KCNAB1: variants seen among roughly 807,000 people sequenced by gnomAD.
KCNAB1 encodes voltage-gated potassium channel subunit beta-1.
Under a neutral mutation model 64.6 loss-of-function variants are expected in KCNAB1, and 35 were observed. The ratio of observed to expected loss-of-function variants is 0.54; its 90% confidence interval spans 0.41 to 0.72. KCNAB1 has a LOEUF of 0.72. Ranked by LOEUF, KCNAB1 falls within the 30% of genes least tolerant of loss-of-function variation. The probability of loss-of-function intolerance (pLI) is 0.00; values close to 1 mark genes in which losing one functional copy is unlikely to be tolerated. For missense variants in KCNAB1, 401 were observed against 512.9 expected, an observed-to-expected ratio of 0.78 and a Z score of 2.11; for synonymous variants, 177 against 183.8, an observed-to-expected ratio of 0.96 and a Z score of 0.30.
At chr3:156,431,045 G>T (rs1716176363) in intron 2 of KCNAB1, among the ~76,000 whole-genome samples, 1 of 152,280 alleles carries the variant, frequency 6.6e-6, no homozygotes, top group East Asian at 1.9e-4. Context: ...CCACGATCAG[G>T]TGTGCTTTCC....
chr3:156,388,777 G>A (rs17238004), intron 1 of KCNAB1, among the ~76,000 whole-genome samples: 21,899 of 152,184 alleles, frequency 0.14, 1,873 homozygotes, highest in Middle Eastern at 0.21. Flanking sequence ...ACTCTCTGCA[G>A]CATCTGTTCA....
At chr3:156,410,503 T>C (rs1248875862) in intron 1 of KCNAB1, among the ~76,000 whole-genome samples, 1 of 152,226 alleles carries the variant, frequency 6.6e-6, no homozygotes, top group African/African-American at 2.4e-5. Context: ...TAAATTTGCA[T>C]AGAGTGAAAT....
At chr3:156,255,613 A>G (rs1032633034) in intron 1 of KCNAB1, among the ~76,000 whole-genome samples, 4 of 152,112 alleles carry the variant, frequency 2.6e-5, no homozygotes, top group African/African-American at 2.4e-5. Context: ...CCAGTACTTC[A>G]TGTATCCATG....
At chr3:156,411,530 A>G (rs1382819134) in intron 1 of KCNAB1, among the ~76,000 whole-genome samples, 1 of 152,134 alleles carries the variant, frequency 6.6e-6, no homozygotes, top group Admixed American at 6.5e-5. Flanking sequence ...TAATATTTGT[A>G]TAAGATGTGA....
chr3:156,535,799 T>C (rs1348805850), intron 13 of KCNAB1, among the ~76,000 whole-genome samples: 1 of 105,930 alleles, frequency 9.4e-6, no homozygotes, highest in Admixed American at 1.0e-4. Context: ...ACATATCTAA[T>C]ATCTGTGTCC....
At chr3:156,502,843 A>G (rs1282984732) in intron 8 of KCNAB1, among the ~76,000 whole-genome samples, 9 of 152,196 alleles carry the variant, frequency 5.9e-5, no homozygotes, top group Non-Finnish European at 1.3e-4. Context: ...AAATGAAGAT[A>G]TAAGTCAGGT....
chr3:156,350,506 C>CAAA (rs60606856), intron 1 of KCNAB1, among the ~76,000 whole-genome samples: 1 of 98,924 alleles, frequency 1.0e-5, no homozygotes. Context: ...GACCCTGTCT[C>CAAA]AAAAAAAAAA....
intron 2 of KCNAB1, among the ~76,000 whole-genome samples, chr3:156,451,030 G>C (rs1021431826): frequency 6.6e-6 from 1 of 152,146 alleles, no homozygotes; most frequent in African/African-American, 2.4e-5. Flanking sequence ...AATACAACAG[G>C]AAGATGTGGA....
intron 1 of KCNAB1, among the ~76,000 whole-genome samples, chr3:156,359,447 A>T (rs1436462604): frequency 1.3e-5 from 2 of 152,192 alleles, no homozygotes; most frequent in Non-Finnish European, 2.9e-5. Context: ...TGGTTTTGAA[A>T]GGAATTTCAA....
Position 156,452,050 on chromosome 3 carries a change from C to T in KCNAB1, c.320-849C>T, listed in dbSNP as rs1038862603. Among the ~76,000 whole-genome samples, 4 of 152,118 alleles carry T rather than the reference C, an allele frequency of 2.6e-5. No individual in the cohort carries two copies. The highest frequency in any genetic ancestry group is 3.9e-4 in the East Asian group (2 of 5,186). On this transcript the variant is annotated intron_variant, in intron 2 of 13. Coordinates refer to ENST00000490337, the MANE Select transcript of KCNAB1 (RefSeq NM_172160.3). The surrounding 1 kb of genome is among the most constrained non-coding windows in gnomAD (Gnocchi z 4.6). ...GCCAATCATCTCACTGTCCCTTACA[C>T]GTGAGTGCAATGCTTTTATGTGGCA... is the stretch of plus-strand genomic sequence containing the variant.
At chr3:156,415,878 C>A (rs1473013317) in intron 1 of KCNAB1, among the ~76,000 whole-genome samples, 1 of 152,160 alleles carries the variant, frequency 6.6e-6, no homozygotes, top group Non-Finnish European at 1.5e-5. Context: ...GGCAATTAAC[C>A]TTGGATGTCT....
intron 1 of KCNAB1, among the ~76,000 whole-genome samples, chr3:156,282,205 G>A (rs1454166929): frequency 1.4e-5 from 2 of 147,454 alleles, no homozygotes; most frequent in Non-Finnish European, 3.0e-5. Context: ...CTTTATTTCT[G>A]CCTTCATTTC....
intron 1 of KCNAB1, among the ~76,000 whole-genome samples, chr3:156,355,978 C>T (rs1411254326): frequency 6.6e-6 from 1 of 151,664 alleles, no homozygotes; most frequent in East Asian, 1.9e-4. Flanking sequence ...AAAAATTAGC[C>T]AGGCATGGTG....
intron 1 of KCNAB1, among the ~76,000 whole-genome samples, chr3:156,376,527 A>G (rs922233200): frequency 1.3e-5 from 2 of 152,252 alleles, no homozygotes; most frequent in Non-Finnish European, 2.9e-5. Context: ...CCAAAAGTCA[A>G]CCACAGGGAA....
intron 1 of KCNAB1, among the ~76,000 whole-genome samples, chr3:156,370,001 A>G (rs1008700523): frequency 2.6e-5 from 4 of 152,230 alleles, no homozygotes; most frequent in Admixed American, 2.0e-4. Flanking sequence ...TAGAAGACTA[A>G]ATTTCATGCA....
At chr3:156,422,101 A>C (rs1468799276) in intron 2 of KCNAB1, among the ~76,000 whole-genome samples, 9 of 152,090 alleles carry the variant, frequency 5.9e-5, no homozygotes, top group Admixed American at 5.9e-4. Flanking sequence ...ATCTGCCTTA[A>C]ATATTTGGGG....
chr3:156,491,892 C>CT (rs1715658470), intron 8 of KCNAB1, among the ~76,000 whole-genome samples: 1 of 152,064 alleles, frequency 6.6e-6, no homozygotes, highest in Non-Finnish European at 1.5e-5. Context: ...ATAGAGAACT[C>CT]TAAGTGTCCT....
chr3:156,283,269 T>C (rs1483155131), intron 1 of KCNAB1, among the ~76,000 whole-genome samples: 22 of 151,364 alleles, frequency 1.5e-4, no homozygotes, highest in South Asian at 2.1e-4. Flanking sequence ...AAAATTCTTT[T>C]CTTTAAGAGT....
At chr3:156,269,493 A>G (rs1055773839) in intron 1 of KCNAB1, among the ~76,000 whole-genome samples, 3 of 152,216 alleles carry the variant, frequency 2.0e-5, no homozygotes, top group African/African-American at 7.2e-5. Context: ...GTGCTCTGTA[A>G]ATAACTATTA....
Sources: gnomAD v4.1 joint callset for allele counts (sites outside exome capture counted in the v4.1 genomes callset) on GRCh38, gnomAD v4.1.1 for gene constraint, Gnocchi (gnomAD v3.1) non-coding constraint, MANE v1.5 for transcripts, NCBI Gene and HGNC (gene_info 2026-07-23, HGNC 2026-07-21) for gene names.